CDH12: variants seen among roughly 807,000 people sequenced by gnomAD.
CDH12 encodes the protein cadherin-12.
In CDH12, 41 loss-of-function variants were observed where a neutral mutation model predicts 74.1. That is an observed-to-expected ratio of 0.55 (90% confidence interval 0.43 to 0.72). CDH12 has a LOEUF of 0.72. Ranked by LOEUF, CDH12 falls within the 30% of genes least tolerant of loss-of-function variation. The pLI is 0.00. For synonymous variants in CDH12, 399 were observed against 355.0 expected, an observed-to-expected ratio of 1.12 and a Z score of -1.39; for missense variants, 945 against 977.2, an observed-to-expected ratio of 0.97 and a Z score of 0.44.
In CDH12 at chr5:21,783,034, AC is replaced by A. The variant is rs537101744; in HGVS notation, c.1393+323del. On this transcript the variant is annotated intron_variant, in intron 11 of 14. Coordinates refer to ENST00000382254, the MANE Select transcript of CDH12 (RefSeq NM_004061.5). ...TTCCCCTCACCTGGCCCTGTGAAAT[AC>A]CCAATGATATGTAAAAGGAAACTGT... is the stretch of plus-strand genomic sequence containing the variant. Among the ~76,000 whole-genome samples the A allele has an allele frequency of 3.3e-3, 507 of 152,286 alleles. 1 individual carries two copies. The highest frequency in any genetic ancestry group is 5.9e-3 in the Non-Finnish European group (400 of 68,018).
intron 2 of CDH12, among the ~76,000 whole-genome samples, chr5:22,474,998 TCTA>T (rs1391493034): frequency 1.3e-5 from 2 of 151,552 alleles, no homozygotes; most frequent in Non-Finnish European, 1.5e-5. Flanking sequence ...AGGTCCCATC[TCTA>T]CTACTAAGCA....
chr5:22,147,281 C>T (rs2150305277), intron 4 of CDH12, among the ~76,000 whole-genome samples: 1 of 152,248 alleles, frequency 6.6e-6, no homozygotes, highest in Admixed American at 6.5e-5. Flanking sequence ...GCATTTGTCT[C>T]TGACTTTTCA....
chr5:22,805,098 T>G (rs1386377896), intron 1 of CDH12, among the ~76,000 whole-genome samples: 1 of 152,158 alleles, frequency 6.6e-6, no homozygotes, highest in Non-Finnish European at 1.5e-5. Flanking sequence ...CTGACACATT[T>G]GAAAATGTGC....
At chr5:22,276,198 A>G (rs898787879) in intron 3 of CDH12, among the ~76,000 whole-genome samples, 1 of 152,134 alleles carries the variant, frequency 6.6e-6, no homozygotes, top group Admixed American at 6.6e-5. Context: ...TTCTGACTGG[A>G]ATTTGAATTA....
intron 3 of CDH12, among the ~76,000 whole-genome samples, chr5:22,218,878 C>T (rs1348184199): frequency 5.9e-5 from 9 of 151,648 alleles, no homozygotes; most frequent in African/African-American, 9.6e-5. Flanking sequence ...CTAAAGAAAC[C>T]GCATCGAAGA....
chr5:22,822,224 A>T (rs1234112032), intron 1 of CDH12, among the ~76,000 whole-genome samples: 3 of 152,202 alleles, frequency 2.0e-5, no homozygotes, highest in Non-Finnish European at 2.9e-5. Context: ...CTTATACAAA[A>T]ATTAATTCAA....
At chr5:22,638,167 A>C (rs943946363) in intron 1 of CDH12, among the ~76,000 whole-genome samples, 2 of 152,194 alleles carry the variant, frequency 1.3e-5, no homozygotes, top group African/African-American at 4.8e-5. Context: ...ATTAGGATAG[A>C]TGTATATATG....
At chr5:22,766,411 A>G (rs1746518009) in intron 1 of CDH12, among the ~76,000 whole-genome samples, 1 of 152,118 alleles carries the variant, frequency 6.6e-6, no homozygotes, top group South Asian at 2.1e-4. Flanking sequence ...AGCAGTGAAA[A>G]CGCATGAAAC....
chr5:22,791,728 G>C (rs934691779), intron 1 of CDH12, among the ~76,000 whole-genome samples: 1 of 152,138 alleles, frequency 6.6e-6, no homozygotes, highest in Admixed American at 6.5e-5. Flanking sequence ...GGGAAGCAAG[G>C]CATGTCTTAC....
At chr5:22,596,310 G>GGCA (rs1347256942) in intron 1 of CDH12, among the ~76,000 whole-genome samples, 1 of 151,150 alleles carries the variant, frequency 6.6e-6, no homozygotes, top group Non-Finnish European at 1.5e-5. Flanking sequence ...GTGTGGTGGC[G>GGCA]GACAGCTATA....
chr5:22,687,697 G>A (rs1741884722), intron 1 of CDH12, among the ~76,000 whole-genome samples: 1 of 152,194 alleles, frequency 6.6e-6, no homozygotes, highest in African/African-American at 2.4e-5. Flanking sequence ...TTACAGGCGT[G>A]AGCCACTGTG....
At position 21,806,551 on chromosome 5, in the gene CDH12, G is replaced by A. The variant is rs534027719; in HGVS notation, c.1003-4131C>T. Among the ~76,000 whole-genome samples the A allele has an allele frequency of 2.6e-5, 4 of 152,226 alleles. No individual in the cohort carries two copies. The East Asian group carries it at 7.7e-4, about 29-fold the overall frequency. ...GGGCCACCATTCTTTCTGTAACCTT[G>A]AGATGGTGATTAGATTCTGTAACTT... On this transcript the variant is annotated intron_variant, in intron 9 of 14. Coordinates refer to ENST00000382254, the MANE Select transcript of CDH12 (RefSeq NM_004061.5).
At chr5:22,027,456 G>A (rs1353801054) in intron 5 of CDH12, among the ~76,000 whole-genome samples, 1 of 152,052 alleles carries the variant, frequency 6.6e-6, no homozygotes, top group Non-Finnish European at 1.5e-5. Context: ...GACTCTTTTT[G>A]GTTGGTAAGC....
At chr5:22,594,323 AC>A (rs1736489317) in intron 1 of CDH12, among the ~76,000 whole-genome samples, 1 of 151,254 alleles carries the variant, frequency 6.6e-6, no homozygotes. Context: ...TTCCCTGAAA[AC>A]CCCCTTGTGT....
At chr5:22,829,530 A>G (rs1025660368) in intron 1 of CDH12, among the ~76,000 whole-genome samples, 11 of 152,146 alleles carry the variant, frequency 7.2e-5, no homozygotes, top group Admixed American at 3.3e-4. Flanking sequence ...TACTGATAGG[A>G]GGAGTGCCAC....
At chr5:21,861,664 C>G (rs939808376) in intron 6 of CDH12, among the ~76,000 whole-genome samples, 7 of 151,994 alleles carry the variant, frequency 4.6e-5, no homozygotes, top group African/African-American at 1.7e-4. Context: ...TTTATTTCCT[C>G]TATTACAAAC....
intron 1 of CDH12, among the ~76,000 whole-genome samples, chr5:22,609,179 A>G (rs2126823743): frequency 6.6e-6 from 1 of 152,324 alleles, no homozygotes; most frequent in Non-Finnish European, 1.5e-5. Flanking sequence ...AATGGTCTTT[A>G]GAGTCTCATC....
At position 22,287,585 on chromosome 5, in the gene CDH12, C is replaced by T. The variant is rs559554242; in HGVS notation, c.-332-74942G>A. ...TAAAAATACAAAAAATTAGCCGGCG[C>T]GGTGGCGGGCGCCTGTAGTCCCAGC... On this transcript the variant is annotated intron_variant, in intron 3 of 14. Transcript: ENST00000382254. Among the ~76,000 whole-genome samples, 513 of 151,654 alleles carry T rather than the reference C, an allele frequency of 3.4e-3. 1 individual carries two copies. Among genetic ancestry groups the T allele is most frequent in the African/African-American group, 0.012 (481 of 41,414 alleles).
At chr5:22,775,044 T>C in intron 1 of CDH12, among the ~76,000 whole-genome samples, 1 of 151,148 alleles carries the variant, frequency 6.6e-6, no homozygotes, top group East Asian at 1.9e-4. Flanking sequence ...TATATATATG[T>C]GAAATACATA....
Sources: gnomAD v4.1 joint callset for allele counts (sites outside exome capture counted in the v4.1 genomes callset) on GRCh38, gnomAD v4.1.1 for gene constraint, MANE v1.5 for transcripts, NCBI Gene and HGNC (gene_info 2026-07-23, HGNC 2026-07-21) for gene names.